Variants in SLC9A8 observed in about 807,000 individuals in gnomAD.
The protein encoded by SLC9A8 is solute carrier family 9 member A8.
In SLC9A8, 48 loss-of-function variants were observed where a neutral mutation model predicts 66.6. That is an observed-to-expected ratio of 0.72 (90% confidence interval 0.57 to 0.92). The LOEUF (loss-of-function observed/expected upper bound fraction) is 0.92, where lower values mean the gene tolerates loss of function less well. SLC9A8 is among the 40% of genes least tolerant of loss of function. The pLI, the probability that SLC9A8 is intolerant of heterozygous loss-of-function variation, is 0.00. For synonymous variants in SLC9A8, 274 were observed against 282.6 expected, an observed-to-expected ratio of 0.97 and a Z score of 0.31; for missense variants, 599 against 747.3, an observed-to-expected ratio of 0.80 and a Z score of 2.31.
chr20:49,855,432 T>A lies in SLC9A8; in HGVS notation c.570-6T>A. On this transcript the variant is annotated splice_polypyrimidine_tract_variant and splice_region_variant and intron_variant, in intron 7 of 15. Coordinates refer to ENST00000361573, the MANE Select transcript of SLC9A8 (RefSeq NM_015266.3). ...CAGAATCTCCCCTTCCCTCTGTCTC[T>A]TACAGTTTTGCGTTTGGCTCCCTAA... is the stretch of plus-strand genomic sequence containing the variant. The A allele has an allele frequency of 6.2e-7, 1 of 1,614,016 alleles. No homozygotes were observed. Among genetic ancestry groups the A allele is most frequent in the Non-Finnish European group, 8.5e-7 (1 of 1,179,862 alleles).
intron 3 of SLC9A8, among the ~76,000 whole-genome samples, chr20:49,827,559 G>A (rs1200164127): frequency 1.3e-5 from 2 of 150,400 alleles, no homozygotes; most frequent in Middle Eastern, 3.4e-3. Flanking sequence ...AGCTGAGATC[G>A]TGCCACTGCA....
In SLC9A8 at chr20:49,888,064, G is replaced by C. The variant is rs937727547; in HGVS notation, c.*128G>C. ...TTCAAGACATAAGAGGGCGGGGCGA[G>C]GTACTGGCTGCAGAGTCGCCTTAGT... is the stretch of plus-strand genomic sequence containing the variant. On this transcript the variant is annotated 3_prime_UTR_variant, in exon 16 of 16. Transcript: ENST00000361573. 10 of 711,188 alleles carry C rather than the reference G, an allele frequency of 1.4e-5. No individual in the cohort carries two copies. The highest frequency in any genetic ancestry group is 2.2e-5 in the Non-Finnish European group (9 of 416,416). The allele number at this position is 711,188 out of a possible 1,614,324, so 44.1% of individuals were successfully genotyped here.
At chr20:49,884,233 C>CG (rs1446483329) in intron 14 of SLC9A8, 167 bp downstream of exon 14, 2,618 of 224,076 alleles carry the variant, frequency 0.012, 74 homozygotes, top group African/African-American at 0.018. Flanking sequence ...CACACACACA[C>CG]ACACACACGA....
intron 4 of SLC9A8, among the ~76,000 whole-genome samples, chr20:49,842,304 A>G (rs2087801595): frequency 1.3e-5 from 2 of 150,926 alleles, no homozygotes; most frequent in African/African-American, 4.9e-5. Flanking sequence ...TCCTGACCTC[A>G]TGATCCATCC....
intron 2 of SLC9A8, 88 bp from the exon 3 acceptor site, chr20:49,822,973 C>A: frequency 9.2e-7 from 1 of 1,083,476 alleles, no homozygotes; most frequent in Non-Finnish European, 1.4e-6. Context: ...GAGGACCCCC[C>A]CAGAAATAAC....
intron 9 of SLC9A8, among the ~76,000 whole-genome samples, chr20:49,864,188 G>A (rs962011681): frequency 1.3e-5 from 2 of 152,180 alleles, no homozygotes; most frequent in Admixed American, 1.3e-4. Context: ...TTTCACAGGG[G>A]CATGAGTTTG....
chr20:49,887,830 A>G lies in SLC9A8; in HGVS notation c.1640A>G (p.Asp547Gly). 6.2e-7 allele frequency: 1 copy of G among 1,602,888 alleles called. No individual in the cohort carries two copies. The highest frequency in any genetic ancestry group is 8.5e-7 in the Non-Finnish European group (1 of 1,173,546). The stretch of plus-strand genomic sequence containing the variant: ...GCTTGGTTGTGTCTCTCGACCCAGG[A>G]CCTGCACCACGGGCGCATCCAGATG... Reference protein sequence around the residue: ...PFFTRRLTQEDLHHGRIQMKT... With the variant: ...PFFTRRLTQEGLHHGRIQMKT... Residue 547 changes from aspartate to glycine, a missense_variant and splice_region_variant, in exon 16 of 16, where the codon GAC becomes GGC. By Grantham distance (94) the Asp-to-Gly change is moderately conservative (BLOSUM62 -1). Coordinates refer to ENST00000361573, the MANE Select transcript of SLC9A8 (RefSeq NM_015266.3).
At chr20:49,876,043 G>A (rs1013699019) in intron 11 of SLC9A8, among the ~76,000 whole-genome samples, 2 of 152,056 alleles carry the variant, frequency 1.3e-5, no homozygotes, top group Admixed American at 6.6e-5. Flanking sequence ...CCGGCCACTT[G>A]TCTCATTTTT....
At chr20:49,829,042 G>A (rs2087051206) in intron 3 of SLC9A8, 1 of 149,482 alleles carries the variant, frequency 6.7e-6, no homozygotes, top group Non-Finnish European at 1.5e-5. Flanking sequence ...CTTGTGCTGG[G>A]ATTCTACACT....
chr20:49,857,768 G>T (rs914017200), intron 8 of SLC9A8, among the ~76,000 whole-genome samples: 2 of 152,036 alleles, frequency 1.3e-5, no homozygotes, highest in Admixed American at 6.6e-5. Context: ...TCCAGCATTG[G>T]GTAATGTGAC....
chr20:49,820,777 T>C (rs1437650809), intron 2 of SLC9A8, among the ~76,000 whole-genome samples: 1 of 152,074 alleles, frequency 6.6e-6, no homozygotes, highest in African/African-American at 2.4e-5. Context: ...AACTCCGACC[T>C]CAGGTGATCT....
intron 12 of SLC9A8, 32 bp downstream of exon 12, chr20:49,878,095 A>C (rs1394855182): frequency 1.5e-6 from 2 of 1,364,244 alleles, no homozygotes; most frequent in Non-Finnish European, 2.0e-6. Flanking sequence ...TTTAAATTTA[A>C]TTACTTATTT....
chr20:49,844,423 T>A (rs2087892877), intron 4 of SLC9A8, among the ~76,000 whole-genome samples: 2 of 152,130 alleles, frequency 1.3e-5, no homozygotes, highest in African/African-American at 2.4e-5. Flanking sequence ...ATTAATTTTC[T>A]TTCTGTACTA....
At chr20:49,831,667 ACT>A (rs2087204183) in intron 3 of SLC9A8, among the ~76,000 whole-genome samples, 1 of 152,032 alleles carries the variant, frequency 6.6e-6, no homozygotes, top group South Asian at 2.1e-4. Flanking sequence ...GCCAGACCAG[ACT>A]CCAGACAGAG....
At chr20:49,845,233 C>T (rs2087935334) in intron 5 of SLC9A8, 114 bp downstream of exon 5, 3 of 756,720 alleles carry the variant, frequency 4.0e-6, no homozygotes, top group Admixed American at 2.0e-5. Flanking sequence ...CAGCTCTGCT[C>T]CTTCCTGGTT....
At chr20:49,835,704 G>C (rs1344717020) in intron 3 of SLC9A8, among the ~76,000 whole-genome samples, 1 of 16,964 alleles carries the variant, frequency 5.9e-5, no homozygotes, top group Admixed American at 5.2e-4. Context: ...TTTTTTTTTT[G>C]AGATGGAGTC....
chr20:49,812,900 G>C lies in SLC9A8; in HGVS notation c.-23G>C. 1 of 1,497,156 alleles carries C rather than the reference G, an allele frequency of 6.7e-7. No homozygotes were observed. The highest frequency in any genetic ancestry group is 8.9e-7 in the Non-Finnish European group (1 of 1,124,622). 92.7% of individuals were successfully genotyped at this position (1,497,156 alleles called of 1,614,324 possible). The stretch of plus-strand genomic sequence containing the variant: ...CTGCTAGCCCCGCGGCTCCGAACTC[G>C]GTGGTCCTGGAAGCTCCGCAGGATG... On this transcript the variant is annotated 5_prime_UTR_variant, in exon 1 of 16. Coordinates refer to ENST00000361573, the MANE Select transcript of SLC9A8 (RefSeq NM_015266.3).
intron 9 of SLC9A8, among the ~76,000 whole-genome samples, chr20:49,864,283 C>T (rs767902873): frequency 3.3e-5 from 5 of 152,184 alleles, no homozygotes; most frequent in Non-Finnish European, 5.9e-5. Context: ...TTGTCTTTGA[C>T]TCAAAACTGA....
intron 1 of SLC9A8, among the ~76,000 whole-genome samples, chr20:49,813,353 T>C (rs899735119): frequency 1.3e-5 from 2 of 152,206 alleles, no homozygotes; most frequent in Non-Finnish European, 2.9e-5. Flanking sequence ...TTTCATGTCT[T>C]TCTCCTTCAC....
Sources: gnomAD v4.1 joint callset for allele counts (sites outside exome capture counted in the v4.1 genomes callset) on GRCh38, gnomAD v4.1.1 for gene constraint, MANE v1.5 for transcripts, NCBI Gene and HGNC (gene_info 2026-07-23, HGNC 2026-07-21) for gene names.